The following WAPL variants were observed in gnomAD, a reference collection of about 807,000 sequenced individuals.
WAPL encodes the protein WAPL cohesin release factor.
Under a neutral mutation model 121.0 loss-of-function variants are expected in WAPL, and 5 were observed. The ratio of observed to expected loss-of-function variants is 0.04; its 90% CI spans 0.02 to 0.09. WAPL has a LOEUF of 0.09. Ranked by LOEUF, WAPL falls within the 10% of genes least tolerant of loss-of-function variation. The pLI, the probability that WAPL is intolerant of heterozygous loss-of-function variation, is 1.00. For synonymous variants in WAPL, 480 were observed against 481.5 expected (o/e 1.00, Z 0.04); for missense variants, 999 against 1,410.8 (o/e 0.71, Z 4.68).
At chr10:86,520,832 C>A (rs953931983) in intron 1 of WAPL, among the ~76,000 whole-genome samples, 2 of 149,202 alleles carry the variant, frequency 1.3e-5, no homozygotes, top group Admixed American at 6.7e-5. Flanking sequence ...AATCTAGCGT[C>A]TTCCCGATCC....
intron 9 of WAPL, among the ~76,000 whole-genome samples, chr10:86,466,368 A>G (rs961080760): frequency 3.9e-5 from 6 of 152,212 alleles, no homozygotes; most frequent in African/African-American, 1.4e-4. Context: ...CAGGAGTTCA[A>G]AACCAGCCTG....
intron 2 of WAPL, among the ~76,000 whole-genome samples, chr10:86,505,984 C>T (rs1449896212): frequency 6.6e-6 from 1 of 152,090 alleles, no homozygotes; most frequent in African/African-American, 2.4e-5. Context: ...GGGCCAGAAG[C>T]ACTGGTTCAT....
chr10:86,476,507 G>A (rs181444042), intron 4 of WAPL, among the ~76,000 whole-genome samples: 1 of 152,192 alleles, frequency 6.6e-6, no homozygotes, highest in African/African-American at 2.4e-5. Flanking sequence ...TGGCCAACAG[G>A]ATGAAACCCC....
At chr10:86,449,948 G>A (rs1036929275) in intron 15 of WAPL, among the ~76,000 whole-genome samples, 6 of 152,108 alleles carry the variant, frequency 3.9e-5, no homozygotes, top group African/African-American at 7.2e-5. Flanking sequence ...ATCTATACAC[G>A]TAATAAAACT....
rs367940847 is a variant in WAPL, at chr10:86,470,610, A to G, written c.2142+382T>C. 1.8e-4 allele frequency among the ~76,000 whole-genome samples: 27 copies of G among 152,344 alleles called. No homozygotes were observed. The East Asian group carries it at 4.6e-3, about 26-fold the overall frequency. ...CACTGGACAAAAACGTTTCTAAAAA[A>G]TTAGGGCTGCATTTCCAAACCAGTT... On this transcript the variant is annotated intron_variant, in intron 8 of 18. Transcript: ENST00000298767.
At chr10:86,458,820 T>G (rs1841208296) in intron 12 of WAPL, among the ~76,000 whole-genome samples, 169 bp downstream of exon 12, 1 of 152,210 alleles carries the variant, frequency 6.6e-6, no homozygotes, top group African/African-American at 2.4e-5. Context: ...TCATTTTGTG[T>G]CCAAAATCTG....
intron 4 of WAPL, among the ~76,000 whole-genome samples, chr10:86,477,782 C>G (rs1262682871): frequency 6.6e-6 from 1 of 151,888 alleles, no homozygotes; most frequent in East Asian, 1.9e-4. Flanking sequence ...GCCTGGGCAA[C>G]AGAAAAGCAG....
intron 2 of WAPL, among the ~76,000 whole-genome samples, chr10:86,503,325 T>C (rs1192951133): frequency 6.6e-6 from 1 of 152,100 alleles, no homozygotes; most frequent in Non-Finnish European, 1.5e-5. Context: ...GTGCAAATGA[T>C]ACAAAGTGGC....
chr10:86,498,509 G>A lies in WAPL; in HGVS notation c.1526-1190C>T, dbSNP rs1419646135. Among the ~76,000 whole-genome samples, 3 of 152,234 alleles carry A rather than the reference G, an allele frequency of 2.0e-5. No homozygotes were observed. The East Asian group carries it at 5.8e-4, about 29-fold the overall frequency. On this transcript the variant is annotated intron_variant, in intron 3 of 18. Transcript: ENST00000298767. ...TTTTCAGGCCAAATAAAGCAAAATG[G>A]TAGGTAATCTCAAGAATGACTTATA...
intron 1 of WAPL, among the ~76,000 whole-genome samples, chr10:86,520,814 C>A (rs1842660766): frequency 6.6e-6 from 1 of 151,706 alleles, no homozygotes; most frequent in Admixed American, 6.6e-5. Context: ...ATACTTCACT[C>A]CCACCCTAAT....
chr10:86,515,681 C>G (rs1017227574), intron 2 of WAPL, among the ~76,000 whole-genome samples: 1 of 151,818 alleles, frequency 6.6e-6, no homozygotes, highest in Non-Finnish European at 1.5e-5. Context: ...ACTGGGGAGG[C>G]TGAGGTGGGA....
chr10:86,497,190 G>A lies in WAPL; in HGVS notation c.1644+11C>T, dbSNP rs1203576521. On this transcript the variant is annotated intron_variant, in intron 4 of 18. Coordinates refer to ENST00000298767, the MANE Select transcript of WAPL (RefSeq NM_015045.5). Reference sequence around the variant, plus strand: ...ATAAATAATAAAAATCACTGACAGTGCTTTACTTACCCGTTTGGGGCCACT... The same window carrying A: ...ATAAATAATAAAAATCACTGACAGTACTTTACTTACCCGTTTGGGGCCACT... 1.3e-6 allele frequency: 2 copies of A among 1,585,844 alleles called. No homozygotes were observed. The highest frequency in any genetic ancestry group is 1.7e-6 in the Non-Finnish European group (2 of 1,159,380).
chr10:86,500,449 T>C lies in WAPL; in HGVS notation c.794A>G (p.Asp265Gly). Reference protein sequence around the residue: ...LDSDPLLEMKDDDFKNRLENL... With the variant: ...LDSDPLLEMKGDDFKNRLENL... ...TTCCAATCGATTTTTAAAATCGTCA[T>C]CCTTCATCTCCAAAAGGGGATCACT... Residue 265 changes from aspartate (D) to glycine (G), a missense_variant, in exon 3 of 19, where the codon GAT (aspartate) becomes GGT (glycine). Transcript: ENST00000298767. The C allele has an allele frequency of 6.2e-7, 1 of 1,614,236 alleles. No homozygotes were observed. The highest frequency in any genetic ancestry group is 2.2e-5 in the East Asian group (1 of 44,888).
chr10:86,456,344 C>A (rs1841145186), intron 12 of WAPL, among the ~76,000 whole-genome samples: 1 of 138,080 alleles, frequency 7.2e-6, no homozygotes, highest in Non-Finnish European at 1.6e-5. Flanking sequence ...GAATAAAACC[C>A]AAAGAAATAT....
intron 16 of WAPL, chr10:86,443,677 G>C (rs1445555742): frequency 4.0e-6 from 1 of 249,888 alleles, no homozygotes; most frequent in Non-Finnish European, 7.7e-6. Flanking sequence ...CAAGTATCCA[G>C]AACATATAAA....
chr10:86,507,636 C>T (rs1842376763), intron 2 of WAPL, among the ~76,000 whole-genome samples: 1 of 152,158 alleles, frequency 6.6e-6, no homozygotes, highest in Middle Eastern at 3.4e-3. Context: ...CCATCTCAGC[C>T]ACCAGTTCTC....
At position 86,452,036 on chromosome 10, in the gene WAPL, G is replaced by C. The variant is rs773048925; in HGVS notation, c.3045C>G (p.Ile1015Met). ...METSCSFDSSICSGEGDDSLR... is the reference protein window; with the variant it reads ...METSCSFDSSMCSGEGDDSLR... ...AACTATCATCCCCTTCTCCACTACA[G>C]ATGGAAGAATCAAAAGAGCACGATG... Residue 1015 changes from isoleucine (I) to methionine (M), a missense_variant, in exon 15 of 19, where the codon ATC becomes ATG. Ile to Met is a conservative substitution (Grantham distance 10). Around this residue, in one of 7 missense-constraint regions of WAPL, gnomAD observed 126 missense variants for 144.0 expected, o/e 0.87. Transcript: ENST00000298767. 7.4e-6 allele frequency: 12 copies of C among 1,614,162 alleles called. No individual in the cohort carries two copies. The South Asian group carries it at 1.2e-4, about 16-fold the overall frequency.
In WAPL at chr10:86,497,682, C is replaced by T. The variant is rs112141502; in HGVS notation, c.1526-363G>A. ...ACTGGAATGGTAAGGTTTATACACA[C>T]ACAAAACATCATGCGTATCTACCTG... On this transcript the variant is annotated intron_variant, in intron 3 of 18. Coordinates refer to ENST00000298767, the MANE Select transcript of WAPL (RefSeq NM_015045.5). Among the ~76,000 whole-genome samples, 186 of 152,304 alleles carry T rather than the reference C, an allele frequency of 1.2e-3. 3 individuals carry two copies. The South Asian group carries it at 0.031, about 25-fold the overall frequency.
chr10:86,453,399 G>A (rs1456092166), intron 13 of WAPL, 64 bp from the exon 14 acceptor site: 1 of 1,497,032 alleles, frequency 6.7e-7, no homozygotes, highest in African/African-American at 1.4e-5. Flanking sequence ...TAATAATGGA[G>A]ATTTATTAAC....
Sources: gnomAD v4.1 joint callset for allele counts (sites outside exome capture counted in the v4.1 genomes callset) on GRCh38, gnomAD v4.1.1 for gene constraint, gnomAD v4.1.1 regional missense constraint, MANE v1.5 for transcripts, NCBI Gene and HGNC (gene_info 2026-07-23, HGNC 2026-07-21) for gene names.